RUNX3: variants seen among roughly 807,000 people sequenced by gnomAD.
RUNX3 encodes the protein runt-related transcription factor 3.
In RUNX3, 10 loss-of-function variants were observed where a neutral mutation model predicts 27.7. The ratio of observed to expected loss-of-function variants is 0.36; its 90% CI spans 0.22 to 0.61. RUNX3 has a LOEUF of 0.61. Ranked by LOEUF, RUNX3 falls within the 20% of genes least tolerant of loss-of-function variation. The pLI is 0.72. For synonymous variants in RUNX3, 270 were observed against 269.2 expected (o/e 1.00, Z -0.03); for missense variants, 469 against 629.5 (o/e 0.75, Z 2.73).
rs1180715645 is a variant in RUNX3, at chr1:24,929,604, G to A, written c.265C>T (p.Leu89=). Residue 89 remains leucine (L), a synonymous_variant, in exon 1 of 5, where the codon CTG becomes TTG. Transcript: ENST00000308873. ...GCACTCACCTTGAAGGCGACGGGCA[G>A]CGTCTTGTTGCAGCGCCAGTGCGAG... ...LPSHWRCNKT[L]PVAFKVVALG... is the part of the protein sequence containing the mutation. 6.2e-7 allele frequency: 1 copy of A among 1,607,956 alleles called. No homozygotes were observed. Among genetic ancestry groups the A allele is most frequent in the Non-Finnish European group, 8.5e-7 (1 of 1,178,996 alleles).
intron 3 of RUNX3, among the ~76,000 whole-genome samples, chr1:24,913,503 C>T (rs1360352285): frequency 6.6e-6 from 1 of 152,252 alleles, no homozygotes; most frequent in Non-Finnish European, 1.5e-5. Flanking sequence ...CCCACCAGGC[C>T]TTGGCCTTTG....
rs777219005 is a variant in RUNX3, at chr1:24,929,708, G to A, written c.161C>T (p.Ser54Leu). 1.3e-6 allele frequency: 2 copies of A among 1,551,346 alleles called. No individual in the cohort carries two copies. Among genetic ancestry groups the A allele is most frequent in the Admixed American group, 1.9e-5 (1 of 51,282 alleles). The change falls in exon 1 of 5, where the codon TCG becomes TTG. Residue 54 changes from serine to leucine, a missense_variant. Ser to Leu is a moderately radical substitution (Grantham distance 145). Coordinates refer to ENST00000308873, the MANE Select transcript of RUNX3 (RefSeq NM_004350.3). ...GTGGTCCGCCAGCACGTCCACCATCGAGCGCACCTCGGGCCGGGCGCGCCC... is the reference window on the plus strand; with the variant it reads ...GTGGTCCGCCAGCACGTCCACCATCAAGCGCACCTCGGGCCGGGCGCGCCC... ...PGGRARPEVR[S>L]MVDVLADHAG... is the part of the protein sequence containing the mutation.
chr1:24,964,373 T>C (rs1370922846), intron 2 of RUNX3: 34 of 701,470 alleles, frequency 4.8e-5, no homozygotes, highest in Middle Eastern at 7.4e-4. Context: ...CAACCCCTCT[T>C]CCCACCTCAG....
chr1:24,924,965 G>A (rs742231), intron 2 of RUNX3, among the ~76,000 whole-genome samples: 80,837 of 151,876 alleles, frequency 0.53, 21,673 homozygotes, highest in South Asian at 0.58. Context: ...TACTGGGTGC[G>A]TGTCTTTCAT....
At chr1:24,958,398 T>C (rs1642005161) in intron 2 of RUNX3, among the ~76,000 whole-genome samples, 2 of 152,196 alleles carry the variant, frequency 1.3e-5, no homozygotes, top group South Asian at 2.1e-4. Context: ...GAATTCAATG[T>C]TTTACAAGAC....
At chr1:24,925,781 T>C (rs189721124) in intron 2 of RUNX3, among the ~76,000 whole-genome samples, 1 of 152,084 alleles carries the variant, frequency 6.6e-6, no homozygotes, top group Admixed American at 6.5e-5. Flanking sequence ...GATGAGAGAA[T>C]GGTTTATAAA....
chr1:24,937,812 G>A (rs1641383472), intron 2 of RUNX3, among the ~76,000 whole-genome samples: 1 of 152,236 alleles, frequency 6.6e-6, no homozygotes, highest in Non-Finnish European at 1.5e-5. Context: ...GCTGGGGATG[G>A]AGTCTCAGTT....
At chr1:24,964,854 G>C (rs1376030764) in exon 1 of RUNX3, 2 of 641,000 alleles carry the variant, frequency 3.1e-6, no homozygotes, top group African/African-American at 1.9e-5. Flanking sequence ...TTGGATTCCC[G>C]GTCCCACAGG....
chr1:24,909,389 T>C (rs1640755067), intron 3 of RUNX3, among the ~76,000 whole-genome samples: 1 of 152,196 alleles, frequency 6.6e-6, no homozygotes, highest in Non-Finnish European at 1.5e-5. Context: ...AGGCTTCTCA[T>C]GGAACTCTCT....
In RUNX3 at chr1:24,902,311, G is replaced by A. The variant is rs777385699; in HGVS notation, c.1059C>T (p.Gly353=). The A allele has an allele frequency of 1.1e-5, 17 of 1,606,690 alleles. No individual in the cohort carries two copies. The highest frequency in any genetic ancestry group is 4.0e-5 in the African/African-American group (3 of 74,884). ...FSMVAGSSSG[G]DRSPTRMLAS... is the part of the protein sequence containing the mutation. ...CCAGCATGCGGGTAGGTGAGCGGTCGCCCCCACTGCTGCTGCCGGCCACCA... is the reference window on the plus strand; with the variant it reads ...CCAGCATGCGGGTAGGTGAGCGGTCACCCCCACTGCTGCTGCCGGCCACCA... Residue 353 remains glycine (G), a synonymous_variant, in exon 5 of 5, where the codon GGC becomes GGT. Coordinates refer to ENST00000308873, the MANE Select transcript of RUNX3 (RefSeq NM_004350.3). This position sits in a 1 kb window ranked among gnomAD's most constrained non-coding sequence, Gnocchi z 9.2.
rs1321439278 is a variant in RUNX3 at position 24,901,025 on chromosome 1, TTTG to T, written c.*1094_*1096del. ...GTTTTAAAAACTGTTTTGTTTTTTT[TTTG>T]TTTTTTTGTTTTTTTTTTTTTTTTG... On this transcript the variant is annotated 3_prime_UTR_variant, in exon 5 of 5. Transcript: ENST00000308873. The T allele has an allele frequency of 7.0e-6, 1 of 143,242 alleles. No individual in the cohort carries two copies. Among genetic ancestry groups the T allele is most frequent in the Non-Finnish European group, 1.5e-5 (1 of 67,452 alleles). The allele number at this position is 143,242 out of a possible 1,614,324, so 8.9% of individuals were successfully genotyped here. A position where few individuals can be genotyped will look rare whatever the true frequency, so the allele number is the denominator to read the frequency against.
rs1221899229 is a variant in RUNX3, at chr1:24,902,300, G to A, written c.1070C>T (p.Pro357Leu). The change falls in exon 5 of 5, where the codon CCT (proline) becomes CTT (leucine). Residue 357 changes from proline to leucine, a missense_variant. Pro to Leu is a moderately conservative substitution (Grantham distance 98, BLOSUM62 -3). This residue lies in a region of RUNX3 where 279 missense variants were observed against 343.0 expected (regional missense o/e 0.81). Coordinates refer to ENST00000308873, the MANE Select transcript of RUNX3 (RefSeq NM_004350.3). The surrounding 1 kb of genome is among the most constrained non-coding windows in gnomAD (Gnocchi z 9.2). ...AGSSSGGDRS[P>L]TRMLASCTSS... ...GGTGCAAGAGGCCAGCATGCGGGTA[G>A]GTGAGCGGTCGCCCCCACTGCTGCT... The A allele has an allele frequency of 1.0e-5, 16 of 1,604,316 alleles. No homozygotes were observed. Among genetic ancestry groups the A allele is most frequent in the African/African-American group, 1.3e-5 (1 of 74,892 alleles).
chr1:24,933,635 G>A (rs1641282631), upstream of RUNX3, among the ~76,000 whole-genome samples: 1 of 152,204 alleles, frequency 6.6e-6, no homozygotes, highest in African/African-American at 2.4e-5. Context: ...TCATAGCGGG[G>A]TTTCCAGCAA....
At chr1:24,906,561 C>T (rs1300878044) in intron 4 of RUNX3, among the ~76,000 whole-genome samples, 1 of 152,210 alleles carries the variant, frequency 6.6e-6, no homozygotes, top group Non-Finnish European at 1.5e-5. Flanking sequence ...GGCTACTATG[C>T]GCCAGGCACC....
intron 3 of RUNX3, among the ~76,000 whole-genome samples, chr1:24,912,313 G>C (rs1188057570): frequency 1.3e-5 from 2 of 152,208 alleles, no homozygotes; most frequent in Non-Finnish European, 2.9e-5. Flanking sequence ...AGAAAGAAAA[G>C]AAGGCAGGGC....
chr1:24,922,044 G>C (rs1042994968), intron 2 of RUNX3, among the ~76,000 whole-genome samples: 3 of 152,058 alleles, frequency 2.0e-5, no homozygotes, highest in African/African-American at 7.2e-5. Flanking sequence ...TGGACCTCCC[G>C]GGCTCAAGTG....
At chr1:24,908,064 A>ACGGTGATCCGGACCTCTACGACACG (rs1640708938) in intron 3 of RUNX3, among the ~76,000 whole-genome samples, 1 of 70,352 alleles carries the variant, frequency 1.4e-5, no homozygotes, top group African/African-American at 6.9e-5. Context: ...TCTACGACAC[A>ACGGTGATCCGGACCTCTACGACACG]CGGTGATCCG....
upstream of RUNX3, among the ~76,000 whole-genome samples, chr1:24,931,718 A>G (rs1278723482): frequency 6.6e-6 from 1 of 152,122 alleles, no homozygotes; most frequent in Non-Finnish European, 1.5e-5. Flanking sequence ...TGCCAAACGA[A>G]ATCAAGCCCC....
intron 2 of RUNX3, among the ~76,000 whole-genome samples, chr1:24,955,574 G>A (rs567318687): frequency 6.6e-6 from 1 of 152,232 alleles, no homozygotes; most frequent in African/African-American, 2.4e-5. Flanking sequence ...AGGGGTGTGG[G>A]TGGCCAGAGG....
Sources: allele counts gnomAD v4.1 joint callset (sites outside exome capture counted in the v4.1 genomes callset), GRCh38; gene constraint gnomAD v4.1.1; regional missense constraint gnomAD v4.1.1; non-coding constraint Gnocchi (gnomAD v3.1); transcripts MANE v1.5; gene names NCBI Gene and HGNC (gene_info 2026-07-23, HGNC 2026-07-21).